The following SYTL2 variants were observed in gnomAD, a reference collection of about 807,000 sequenced individuals.
SYTL2 encodes the protein synaptotagmin like 2.
In SYTL2, 165 loss-of-function variants were observed where a neutral mutation model predicts 198.7. That is an observed-to-expected ratio of 0.83 (90% CI 0.73 to 0.94). The LOEUF is 0.94. Among genes scored for constraint, SYTL2 ranks in the 40% least tolerant of loss-of-function variants. The pLI, the probability that SYTL2 is intolerant of heterozygous loss-of-function variation, is 0.00. For missense variants in SYTL2, 2,835 were observed against 2,582.8 expected, an observed-to-expected ratio of 1.10 and a Z score of -2.12; for synonymous variants, 966 against 917.7, an observed-to-expected ratio of 1.05 and a Z score of -0.95.
chr11:85,742,800 C>T (rs1305054053), intron 4 of SYTL2, among the ~76,000 whole-genome samples: 1 of 152,232 alleles, frequency 6.6e-6, no homozygotes, highest in Non-Finnish European at 1.5e-5. Flanking sequence ...CCAACCAACA[C>T]TGCCCACCTG....
intron 1 of SYTL2, among the ~76,000 whole-genome samples, chr11:85,795,592 GAAA>G (rs1187212443): frequency 6.6e-6 from 1 of 151,180 alleles, no homozygotes; most frequent in Non-Finnish European, 1.5e-5. Flanking sequence ...GTTAAAAAAA[GAAA>G]AAGTTACATA....
upstream of SYTL2, among the ~76,000 whole-genome samples, chr11:85,812,695 C>T (rs1476849517): frequency 4.6e-5 from 7 of 152,106 alleles, no homozygotes. Flanking sequence ...CAGGCAGAGA[C>T]ATGGAGATGC....
At chr11:85,711,681 T>C (rs1394169500) in intron 12 of SYTL2, among the ~76,000 whole-genome samples, 1 of 152,104 alleles carries the variant, frequency 6.6e-6, no homozygotes, top group Admixed American at 6.5e-5. Context: ...TCTCTAAAAA[T>C]CAAATCTTTT....
chr11:85,730,780 A>G (rs778027386), intron 7 of SYTL2, among the ~76,000 whole-genome samples: 9 of 152,144 alleles, frequency 5.9e-5, no homozygotes, highest in African/African-American at 1.2e-4. Context: ...ATGGTATTCA[A>G]ATAGGAAGAG....
At chr11:85,837,014 CT>C in the SYTL2 span, among the ~76,000 whole-genome samples, 1 of 152,204 alleles carries the variant, frequency 6.6e-6, no homozygotes, top group African/African-American at 2.4e-5. Flanking sequence ...CCCTTTGCTC[CT>C]TTCTGTAATT....
At chr11:85,840,957 T>A in the SYTL2 span, among the ~76,000 whole-genome samples, 1 of 152,158 alleles carries the variant, frequency 6.6e-6, no homozygotes, top group African/African-American at 2.4e-5. Flanking sequence ...AAAGGTTTAA[T>A]ATCCAGCATC....
At chr11:85,833,780 T>C in the SYTL2 span, among the ~76,000 whole-genome samples, 3 of 149,366 alleles carry the variant, frequency 2.0e-5, no homozygotes, top group East Asian at 2.0e-4. Flanking sequence ...ATCCAGGCTG[T>C]AGTGTTGTAG....
Position 85,725,599 on chromosome 11 carries a change from T to C in SYTL2, c.3759A>G (p.Ile1253Met), listed in dbSNP as rs1377744359. Residue 1253 changes from isoleucine (I) to methionine (M), a missense_variant, in exon 8 of 20, where the codon ATA (isoleucine) becomes ATG (methionine). This residue lies in a region of SYTL2 where 2,645 missense variants were observed against 2,381.7 expected (regional missense o/e 1.11). Coordinates refer to ENST00000359152, the MANE Select transcript of SYTL2 (RefSeq NM_206927.4). ...CAGCTGAAGTATTGTGACTCTGTTCTATCCCTTTTCCAAAAAATCTCCCCT... is the reference window on the plus strand; with the variant it reads ...CAGCTGAAGTATTGTGACTCTGTTCCATCCCTTTTCCAAAAAATCTCCCCT... The part of the protein sequence containing the change: ...LEEGRFFGKG[I>M]EQSHNTSADK... 10 of 1,614,060 alleles carry C rather than the reference T, an allele frequency of 6.2e-6. No individual in the cohort carries two copies. The highest frequency in any genetic ancestry group is 8.5e-6 in the Non-Finnish European group (10 of 1,180,014).
chr11:85,780,144 T>C (rs936334612), intron 1 of SYTL2, among the ~76,000 whole-genome samples: 8 of 152,230 alleles, frequency 5.3e-5, no homozygotes, highest in Non-Finnish European at 8.8e-5. Context: ...TTATTGCATT[T>C]CAAAGCCCAG....
At chr11:85,852,659 G>A in the SYTL2 span, 2 of 189,978 alleles carry the variant, frequency 1.1e-5, no homozygotes, top group South Asian at 1.8e-4. Context: ...TGCAGACGGA[G>A]TCTCGTTCAC....
chr11:85,813,159 G>C (rs1275250804), upstream of SYTL2, among the ~76,000 whole-genome samples: 1 of 152,072 alleles, frequency 6.6e-6, no homozygotes, highest in Non-Finnish European at 1.5e-5. Flanking sequence ...TTTTAAGGCA[G>C]GGTCTTGTTA....
At chr11:85,792,486 G>A (rs2092744198) in intron 1 of SYTL2, among the ~76,000 whole-genome samples, 1 of 151,984 alleles carries the variant, frequency 6.6e-6, no homozygotes, top group South Asian at 2.1e-4. Flanking sequence ...GTTGCAGAAA[G>A]TTATTTTTTC....
At chr11:85,827,764 G>T in the SYTL2 span, among the ~76,000 whole-genome samples, 1 of 152,142 alleles carries the variant, frequency 6.6e-6, no homozygotes, top group Non-Finnish European at 1.5e-5. Context: ...CCAGATATGG[G>T]GTAGTCATAA....
chr11:85,702,623 A>G (rs1421414518), intron 16 of SYTL2, among the ~76,000 whole-genome samples: 2 of 152,234 alleles, frequency 1.3e-5, no homozygotes, highest in Non-Finnish European at 2.9e-5. Context: ...AGACCAGATC[A>G]CATGAAAACT....
At position 85,694,946 on chromosome 11, in the gene SYTL2, A is replaced by C; in HGVS notation, c.*249T>G. The C allele has an allele frequency of 3.1e-6, 1 of 321,316 alleles. No homozygotes were observed. The highest frequency in any genetic ancestry group is 5.6e-6 in the Non-Finnish European group (1 of 177,140). The allele number at this position is 321,316 out of a possible 1,614,324, so 19.9% of individuals were successfully genotyped here. The stretch of plus-strand genomic sequence containing the variant: ...GCTTTTTCTTTGAAGCAGCAGCAGA[A>C]ATTCAATTTTCCTAGCTTGTTCAAA... On this transcript the variant is annotated 3_prime_UTR_variant, in exon 20 of 20. Coordinates refer to ENST00000359152, the MANE Select transcript of SYTL2 (RefSeq NM_206927.4).
Position 85,788,736 on chromosome 11 carries a change from T to C in SYTL2, c.-390+22218A>G, listed in dbSNP as rs186911983. Among the ~76,000 whole-genome samples, 2 of 152,060 alleles carry C rather than the reference T, an allele frequency of 1.3e-5. 1 individual carries two copies. Among genetic ancestry groups the C allele is most frequent in the East Asian group, 3.9e-4 (2 of 5,150 alleles). On this transcript the variant is annotated intron_variant, in intron 1 of 19. Coordinates refer to ENST00000359152, the MANE Select transcript of SYTL2 (RefSeq NM_206927.4). ...GTAGAAGGCCTCTAGGATGAGATTT[T>C]TGACAATATGCATTACAAGTAAAAT...
intron 12 of SYTL2, among the ~76,000 whole-genome samples, chr11:85,714,055 A>C (rs1430420264): frequency 6.6e-6 from 1 of 152,264 alleles, no homozygotes; most frequent in East Asian, 1.9e-4. Flanking sequence ...CTTTCAAACT[A>C]GTCATGCTGC....
At chr11:85,755,867 G>A (rs1328498887) in intron 2 of SYTL2, among the ~76,000 whole-genome samples, 1 of 152,072 alleles carries the variant, frequency 6.6e-6, no homozygotes. Context: ...CTGAGCAGAA[G>A]GAATCAAAGG....
chr11:85,737,225 CAG>C (rs1220843189), intron 5 of SYTL2, among the ~76,000 whole-genome samples: 1 of 152,156 alleles, frequency 6.6e-6, no homozygotes, highest in African/African-American at 2.4e-5. Context: ...AGATCTCTAA[CAG>C]AGATTTAGGA....
Sources: allele counts gnomAD v4.1 joint callset (sites outside exome capture counted in the v4.1 genomes callset), GRCh38; gene constraint gnomAD v4.1.1; regional missense constraint gnomAD v4.1.1; transcripts MANE v1.5; gene names NCBI Gene and HGNC (gene_info 2026-07-23, HGNC 2026-07-21).